The following RBFOX3 variants were observed in gnomAD, a reference collection of about 807,000 sequenced individuals.
The protein encoded by RBFOX3 is RNA binding protein fox-1 homolog 3.
A neutral mutation model predicts 48.7 loss-of-function variants in RBFOX3; 17 were observed. The ratio of observed to expected loss-of-function variants is 0.35; its 90% confidence interval spans 0.24 to 0.52. RBFOX3 has a LOEUF of 0.52. RBFOX3 is among the 20% of genes least tolerant of loss of function. The probability of loss-of-function intolerance (pLI) is 0.94; values close to 1 mark genes in which losing one functional copy is unlikely to be tolerated. For synonymous variants in RBFOX3, 212 were observed against 209.5 expected (o/e 1.01, Z -0.10); for missense variants, 382 against 497.5 (o/e 0.77, Z 2.21).
intron 4 of RBFOX3, among the ~76,000 whole-genome samples, chr17:79,130,192 C>T (rs945981256): frequency 2.6e-5 from 4 of 152,194 alleles, no homozygotes; most frequent in African/African-American, 9.7e-5. Context: ...CATATTACTT[C>T]ATTCAGGGAC....
the RBFOX3 span, among the ~76,000 whole-genome samples, chr17:79,648,101 C>A: frequency 6.6e-6 from 1 of 152,098 alleles, no homozygotes; most frequent in South Asian, 2.1e-4. Context: ...TCTGGGGGTG[C>A]AGTAGTGGGC....
chr17:79,401,720 C>A (rs751579955), intron 2 of RBFOX3, among the ~76,000 whole-genome samples: 1 of 152,176 alleles, frequency 6.6e-6, no homozygotes, highest in Non-Finnish European at 1.5e-5. Flanking sequence ...CTACATGGGG[C>A]GTCCTCTCTA....
At chr17:79,213,923 G>A (rs1302933557) in intron 4 of RBFOX3, among the ~76,000 whole-genome samples, 1 of 152,236 alleles carries the variant, frequency 6.6e-6, no homozygotes, top group Non-Finnish European at 1.5e-5. Context: ...TGGGAATTGA[G>A]GATGTGAAGG....
At chr17:79,096,106 G>A (rs2146269371) in intron 12 of RBFOX3, among the ~76,000 whole-genome samples, 1 of 152,326 alleles carries the variant, frequency 6.6e-6, no homozygotes, top group Non-Finnish European at 1.5e-5. Flanking sequence ...GCAGGTAACT[G>A]AATTGTAGGC....
intron 2 of RBFOX3, among the ~76,000 whole-genome samples, chr17:79,328,786 G>C (rs1040706061): frequency 6.6e-6 from 1 of 152,204 alleles, no homozygotes; most frequent in Admixed American, 6.5e-5. Context: ...ATGAATGGCC[G>C]TTTCCTGCAC....
intron 3 of RBFOX3, among the ~76,000 whole-genome samples, chr17:79,296,946 T>C (rs1265661519): frequency 9.3e-6 from 1 of 107,884 alleles, no homozygotes; most frequent in South Asian, 4.0e-4. Flanking sequence ...TCCCTCCTCC[T>C]CCTCTTCCTC....
intron 2 of RBFOX3, among the ~76,000 whole-genome samples, chr17:79,447,729 C>G (rs1389159262): frequency 1.3e-5 from 2 of 152,200 alleles, no homozygotes; most frequent in African/African-American, 2.4e-5. Flanking sequence ...AAGCTTCATG[C>G]CATCCATGTG....
chr17:79,378,585 C>G (rs966675016), intron 2 of RBFOX3, among the ~76,000 whole-genome samples: 2 of 152,114 alleles, frequency 1.3e-5, no homozygotes, highest in Non-Finnish European at 2.9e-5. Context: ...GTGGGCTGAG[C>G]CCGGGACAGA....
In RBFOX3 at chr17:79,128,198, C is replaced by T. The variant is rs549957260; in HGVS notation, c.-33-12450G>A. ...TGGCCTCTATTATGTTTGGCTTGGT[C>T]GAAACCTCCAGTTTCCTGAGTGGCC... On this transcript the variant is annotated intron_variant, in intron 4 of 14. Coordinates refer to ENST00000693108, the MANE Select transcript of RBFOX3 (RefSeq NM_001350451.2). Among the ~76,000 whole-genome samples the T allele has an allele frequency of 3.3e-5, 5 of 152,266 alleles. No homozygotes were observed. In the East Asian group the frequency reaches 5.8e-4, roughly 18 times the overall value.
At chr17:79,420,122 GTC>G (rs1482262699) in intron 2 of RBFOX3, among the ~76,000 whole-genome samples, 3 of 72,668 alleles carry the variant, frequency 4.1e-5, no homozygotes, top group South Asian at 4.1e-4. Context: ...GCAAGACTCC[GTC>G]TCATACACAC....
chr17:79,282,827 G>A (rs1483573168), intron 3 of RBFOX3, among the ~76,000 whole-genome samples: 1 of 152,274 alleles, frequency 6.6e-6, no homozygotes, highest in East Asian at 1.9e-4. Flanking sequence ...CTGGCCTGAT[G>A]GAGGCTGGAG....
chr17:79,555,186 A>G (rs1332605578), intron 1 of RBFOX3, among the ~76,000 whole-genome samples: 1 of 152,254 alleles, frequency 6.6e-6, no homozygotes, highest in African/African-American at 2.4e-5. Flanking sequence ...GACTGTAAAA[A>G]TCACATGGGT....
chr17:79,278,173 G>T (rs1386574066), intron 3 of RBFOX3, among the ~76,000 whole-genome samples: 1 of 152,184 alleles, frequency 6.6e-6, no homozygotes, highest in African/African-American at 2.4e-5. Flanking sequence ...GGCCTCGGGG[G>T]TCCAGTCCTG....
chr17:79,566,376 G>C (rs1396648641), intron 1 of RBFOX3, among the ~76,000 whole-genome samples: 2 of 152,250 alleles, frequency 1.3e-5, no homozygotes, highest in East Asian at 1.9e-4. Flanking sequence ...CAGTAGCTCC[G>C]TCCTTCATCA....
chr17:79,209,278 A>G (rs1057503675), intron 4 of RBFOX3, among the ~76,000 whole-genome samples: 9 of 152,078 alleles, frequency 5.9e-5, no homozygotes, highest in African/African-American at 2.2e-4. Context: ...CTGGGTGCCC[A>G]CATTGTTTGA....
rs1343949626 is a variant in RBFOX3 at position 79,205,889 on chromosome 17, C to A, written c.-34+29877G>T. On this transcript the variant is annotated intron_variant, in intron 4 of 14. Transcript: ENST00000693108. The surrounding 1 kb of genome is among the most constrained non-coding windows in gnomAD (Gnocchi z 4.5). ...GTTTGCTTTTACATAGGAAGGACAG[C>A]AATACACATTTCCTATCTTGCTGCA... 6.7e-6 allele frequency among the ~76,000 whole-genome samples: 1 copy of A among 149,928 alleles called. No homozygotes were observed. The highest frequency in any genetic ancestry group is 1.5e-5 in the Non-Finnish European group (1 of 67,816).
chr17:79,466,314 TG>T (rs2076307209), intron 2 of RBFOX3, among the ~76,000 whole-genome samples: 1 of 152,108 alleles, frequency 6.6e-6, no homozygotes, highest in Non-Finnish European at 1.5e-5. Context: ...GGAAGAGTCC[TG>T]GGGGGCGGGG....
chr17:79,656,775 A>AG, the RBFOX3 span, among the ~76,000 whole-genome samples: 904 of 30,400 alleles, frequency 0.03, 60 homozygotes, highest in East Asian at 0.42. Flanking sequence ...GGAAGGAAGG[A>AG]AGGAAAGAAA....
chr17:79,440,723 C>T (rs988737041), intron 2 of RBFOX3, among the ~76,000 whole-genome samples: 1 of 152,162 alleles, frequency 6.6e-6, no homozygotes, highest in South Asian at 2.1e-4. Flanking sequence ...AGTTCCCCAG[C>T]ACAACCTCCT....
Sources: gnomAD v4.1 joint callset for allele counts (sites outside exome capture counted in the v4.1 genomes callset) on GRCh38, gnomAD v4.1.1 for gene constraint, Gnocchi (gnomAD v3.1) non-coding constraint, MANE v1.5 for transcripts, NCBI Gene and HGNC (gene_info 2026-07-23, HGNC 2026-07-21) for gene names.